Variants in VWC2L observed in about 807,000 individuals in gnomAD.
VWC2L encodes von Willebrand factor C domain-containing protein 2-like.
A neutral mutation model predicts 21.6 loss-of-function variants in VWC2L; 10 were observed. The ratio of observed to expected loss-of-function variants is 0.46; its 90% confidence interval spans 0.29 to 0.78. The LOEUF is 0.78. Ranked by LOEUF, VWC2L falls within the 30% of genes least tolerant of loss-of-function variation. The pLI, the probability that VWC2L is intolerant of heterozygous loss-of-function variation, is 0.10. For missense variants in VWC2L, 209 were observed against 277.1 expected, an observed-to-expected ratio of 0.75 and a Z score of 1.74; for synonymous variants, 96 against 94.3, an observed-to-expected ratio of 1.02 and a Z score of -0.10.
chr2:214,523,557 G>C (rs1689278170), intron 3 of VWC2L, among the ~76,000 whole-genome samples: 1 of 152,172 alleles, frequency 6.6e-6, no homozygotes, highest in African/African-American at 2.4e-5. Flanking sequence ...TTAAATTTGA[G>C]GTTGGGTGTG....
chr2:214,480,601 C>T (rs1387675515), intron 3 of VWC2L, among the ~76,000 whole-genome samples: 1 of 151,840 alleles, frequency 6.6e-6, no homozygotes, highest in East Asian at 1.9e-4. Context: ...TGTCAGGGAC[C>T]CAGGCTCCTT....
At chr2:214,558,646 C>G (rs1329133486) in intron 3 of VWC2L, among the ~76,000 whole-genome samples, 1 of 152,120 alleles carries the variant, frequency 6.6e-6, no homozygotes, top group African/African-American at 2.4e-5. Context: ...TTTGCCTGGA[C>G]TAGTGTAAAA....
chr2:214,502,385 T>C (rs1052751126), intron 3 of VWC2L, among the ~76,000 whole-genome samples: 1 of 151,956 alleles, frequency 6.6e-6, no homozygotes, highest in Non-Finnish European at 1.5e-5. Flanking sequence ...GCCTAGCCAA[T>C]ATGGTGAAAC....
chr2:214,566,134 G>A (rs1189013434), intron 3 of VWC2L, among the ~76,000 whole-genome samples: 1 of 152,174 alleles, frequency 6.6e-6, no homozygotes, highest in Admixed American at 6.5e-5. Flanking sequence ...GTTTGGCTGA[G>A]AGATTATTCC....
chr2:214,466,736 T>G (rs1166755037), intron 3 of VWC2L, among the ~76,000 whole-genome samples: 1 of 152,234 alleles, frequency 6.6e-6, no homozygotes, highest in Admixed American at 6.5e-5. Flanking sequence ...TCTAGTGTAG[T>G]CACACTTTGT....
intron 3 of VWC2L, among the ~76,000 whole-genome samples, chr2:214,445,106 T>C (rs545515161): frequency 3.2e-4 from 49 of 152,012 alleles, no homozygotes; most frequent in Non-Finnish European, 6.2e-4. Context: ...ATAAATAAGA[T>C]AGCATCTAAT....
At chr2:214,447,642 T>C (rs1702858483) in intron 3 of VWC2L, among the ~76,000 whole-genome samples, 1 of 152,154 alleles carries the variant, frequency 6.6e-6, no homozygotes, top group Admixed American at 6.6e-5. Context: ...TTCTTCATCC[T>C]TAAATGTAAA....
chr2:214,473,519 TGGAGGACAGTCTATG>T (rs1703340307), intron 3 of VWC2L, among the ~76,000 whole-genome samples: 1 of 152,128 alleles, frequency 6.6e-6, no homozygotes, highest in Non-Finnish European at 1.5e-5. Context: ...GAGAAAAGCA[TGGAGGACAGTCTATG>T]GGAGATCTTT....
At chr2:214,570,841 G>A (rs1690139511) in intron 3 of VWC2L, among the ~76,000 whole-genome samples, 1 of 152,066 alleles carries the variant, frequency 6.6e-6, no homozygotes, top group South Asian at 2.1e-4. Flanking sequence ...TTGTGTGGGG[G>A]TTACAGAGCA....
At chr2:214,481,879 C>T (rs1449215324) in intron 3 of VWC2L, among the ~76,000 whole-genome samples, 1 of 152,106 alleles carries the variant, frequency 6.6e-6, no homozygotes, top group Non-Finnish European at 1.5e-5. Context: ...ATTTAAGATG[C>T]CACTTCCCAG....
chr2:214,412,254 T>C (rs62198251), intron 1 of VWC2L, among the ~76,000 whole-genome samples: 24,075 of 152,136 alleles, frequency 0.16, 2,363 homozygotes, highest in Non-Finnish European at 0.21. Flanking sequence ...CTATGTCCCT[T>C]TGAAGCAGAA....
At chr2:214,547,769 G>GT (rs1689732888) in intron 3 of VWC2L, among the ~76,000 whole-genome samples, 1 of 152,192 alleles carries the variant, frequency 6.6e-6, no homozygotes, top group South Asian at 2.1e-4. Context: ...AAGCACATAA[G>GT]TAACTGGGTT....
intron 2 of VWC2L, among the ~76,000 whole-genome samples, chr2:214,427,811 A>T (rs1559287721): frequency 6.6e-6 from 1 of 152,168 alleles, no homozygotes; most frequent in East Asian, 1.9e-4. Context: ...TTTCAAATAC[A>T]ATGTAAATGC....
At chr2:214,461,482 G>A (rs754842063) in intron 3 of VWC2L, among the ~76,000 whole-genome samples, 143 of 152,222 alleles carry the variant, frequency 9.4e-4, no homozygotes, top group Admixed American at 1.4e-3. Context: ...GCTGGGTGAC[G>A]CTAACCATGG....
At chr2:214,524,586 A>G (rs1689297686) in intron 3 of VWC2L, among the ~76,000 whole-genome samples, 1 of 152,198 alleles carries the variant, frequency 6.6e-6, no homozygotes, top group Non-Finnish European at 1.5e-5. Flanking sequence ...TTTATTAAGT[A>G]CTAGCATGTG....
At chr2:214,427,567 A>C (rs949663636) in intron 2 of VWC2L, among the ~76,000 whole-genome samples, 5 of 152,170 alleles carry the variant, frequency 3.3e-5, no homozygotes, top group African/African-American at 1.2e-4. Flanking sequence ...GAGTGCAAAC[A>C]TTGTTGTGTT....
At chr2:214,525,672 T>C (rs1270272218) in intron 3 of VWC2L, among the ~76,000 whole-genome samples, 1 of 152,190 alleles carries the variant, frequency 6.6e-6, no homozygotes, top group Non-Finnish European at 1.5e-5. Context: ...GATCCATCAG[T>C]TGAATCTGGC....
chr2:214,446,802 G>A (rs11690030), intron 3 of VWC2L, among the ~76,000 whole-genome samples: 24,643 of 152,130 alleles, frequency 0.16, 2,059 homozygotes, highest in East Asian at 0.25. Flanking sequence ...ATACTTTAAT[G>A]TTCAGTACCC....
chr2:214,556,907 T>C (rs1164160643), intron 3 of VWC2L, among the ~76,000 whole-genome samples: 2 of 152,154 alleles, frequency 1.3e-5, no homozygotes, highest in African/African-American at 4.8e-5. Flanking sequence ...CTAACACTTG[T>C]ACAGGGCACA....
Sources: gnomAD v4.1 joint callset for allele counts (sites outside exome capture counted in the v4.1 genomes callset) on GRCh38, gnomAD v4.1.1 for gene constraint, MANE v1.5 for transcripts, NCBI Gene and HGNC (gene_info 2026-07-23, HGNC 2026-07-21) for gene names.